Variants in GALNT13 observed in about 807,000 individuals in gnomAD.
GALNT13 encodes the protein UDP-GalNAc:polypeptide N-acetylgalactosaminyltransferase 13.
Under a neutral mutation model 64.2 loss-of-function variants are expected in GALNT13, and 28 were observed. The observed-to-expected ratio is 0.44, with a 90% CI of 0.32 to 0.60. GALNT13 has a LOEUF of 0.60. GALNT13 is among the 20% of genes least tolerant of loss of function. GALNT13 has a pLI of 0.05. For synonymous variants in GALNT13, 214 were observed against 224.6 expected, an observed-to-expected ratio of 0.95 and a Z score of 0.42; for missense variants, 577 against 669.8, an observed-to-expected ratio of 0.86 and a Z score of 1.53.
At chr2:153,460,508 G>A in the GALNT13 span, among the ~76,000 whole-genome samples, 5 of 152,086 alleles carry the variant, frequency 3.3e-5, no homozygotes, top group South Asian at 2.1e-4. Flanking sequence ...TCATTATTCC[G>A]ATCTTCTTAT....
chr2:153,467,063 C>A, the GALNT13 span, among the ~76,000 whole-genome samples: 1 of 151,874 alleles, frequency 6.6e-6, no homozygotes, highest in Non-Finnish European at 1.5e-5. Context: ...AAATAAGCTC[C>A]AACATATTCG....
the GALNT13 span, among the ~76,000 whole-genome samples, chr2:153,454,363 G>A: frequency 6.6e-6 from 1 of 152,100 alleles, no homozygotes; most frequent in African/African-American, 2.4e-5. Context: ...GACCTGGCTA[G>A]TAAACTCTGA....
intron 8 of GALNT13, among the ~76,000 whole-genome samples, chr2:154,298,721 T>G (rs1455824675): frequency 1.1e-5 from 1 of 90,802 alleles, no homozygotes; most frequent in Non-Finnish European, 2.1e-5. Context: ...ATATATAAAT[T>G]ATATTATTTA....
At chr2:153,258,381 AAAC>A in the GALNT13 span, among the ~76,000 whole-genome samples, 2 of 142,080 alleles carry the variant, frequency 1.4e-5, no homozygotes, top group Non-Finnish European at 1.6e-5. Flanking sequence ...AAACAAAACA[AAAC>A]AAAACAAAAC....
chr2:153,330,380 T>G, the GALNT13 span, among the ~76,000 whole-genome samples: 1 of 152,240 alleles, frequency 6.6e-6, no homozygotes, highest in East Asian at 1.9e-4. Context: ...TATGGCCATT[T>G]TCATGATATT....
At chr2:153,913,988 G>GC (rs1689159102) in intron 2 of GALNT13, among the ~76,000 whole-genome samples, 1 of 151,922 alleles carries the variant, frequency 6.6e-6, no homozygotes, top group Non-Finnish European at 1.5e-5. Context: ...TTTAAATATC[G>GC]CCCTTGCATA....
At chr2:154,365,089 T>G (rs1389891600) in intron 9 of GALNT13, among the ~76,000 whole-genome samples, 4 of 152,212 alleles carry the variant, frequency 2.6e-5, no homozygotes, top group Non-Finnish European at 5.9e-5. Context: ...ACATGAAAAT[T>G]AGCATCCCAC....
At chr2:154,274,258 G>T (rs760696152) in intron 8 of GALNT13, among the ~76,000 whole-genome samples, 4 of 152,138 alleles carry the variant, frequency 2.6e-5, no homozygotes, top group Non-Finnish European at 4.4e-5. Context: ...GATATATAGT[G>T]CATTAAGTTC....
chr2:153,968,103 C>T (rs1258164421), intron 3 of GALNT13, among the ~76,000 whole-genome samples: 5 of 152,090 alleles, frequency 3.3e-5, no homozygotes, highest in South Asian at 2.1e-4. Flanking sequence ...TGCTCTGGTC[C>T]GTACCCCAAG....
At chr2:153,377,927 A>G in the GALNT13 span, among the ~76,000 whole-genome samples, 1 of 152,192 alleles carries the variant, frequency 6.6e-6, no homozygotes, top group African/African-American at 2.4e-5. Flanking sequence ...TTAAATATGT[A>G]AGTTCAATAC....
chr2:153,295,760 A>C, the GALNT13 span, among the ~76,000 whole-genome samples: 1 of 152,162 alleles, frequency 6.6e-6, no homozygotes, highest in Non-Finnish European at 1.5e-5. Context: ...TCTTGAGAAA[A>C]ATTCCAGACA....
At chr2:153,786,299 C>T in the GALNT13 span, among the ~76,000 whole-genome samples, 34 of 152,156 alleles carry the variant, frequency 2.2e-4, no homozygotes, top group African/African-American at 7.2e-4. Context: ...GAACAAAGTG[C>T]GTAGTCACTA....
At chr2:153,591,709 G>A in the GALNT13 span, among the ~76,000 whole-genome samples, 1 of 151,932 alleles carries the variant, frequency 6.6e-6, no homozygotes. Context: ...TTAAATGTAA[G>A]ACCCCAAACT....
At chr2:154,073,269 C>T (rs1427569123) in intron 3 of GALNT13, among the ~76,000 whole-genome samples, 1 of 151,912 alleles carries the variant, frequency 6.6e-6, no homozygotes, top group Non-Finnish European at 1.5e-5. Flanking sequence ...TTTCGTAGAA[C>T]ATCATTTTTA....
chr2:153,141,596 A>T, the GALNT13 span, among the ~76,000 whole-genome samples: 3 of 151,978 alleles, frequency 2.0e-5, no homozygotes, highest in Admixed American at 2.0e-4. Flanking sequence ...GGTTCTACCT[A>T]CCTGGAGTGG....
the GALNT13 span, among the ~76,000 whole-genome samples, chr2:153,398,609 G>A: frequency 6.9e-3 from 1,053 of 152,196 alleles, 15 homozygotes; most frequent in African/African-American, 0.024. Flanking sequence ...TTTAATGATT[G>A]CCATTCTAAC....
chr2:154,064,891 C>T (rs112083227), intron 3 of GALNT13, among the ~76,000 whole-genome samples: 56 of 152,022 alleles, frequency 3.7e-4, no homozygotes, highest in Non-Finnish European at 6.5e-4. Flanking sequence ...CTTAGGTACC[C>T]GCTCAGCTGC....
chr2:153,591,684 AT>A, the GALNT13 span, among the ~76,000 whole-genome samples: 1 of 152,080 alleles, frequency 6.6e-6, no homozygotes, highest in Non-Finnish European at 1.5e-5. Flanking sequence ...AATCAACACA[AT>A]ATGGATTAGA....
chr2:153,899,998 C>T (rs1574072990), intron 1 of GALNT13, among the ~76,000 whole-genome samples: 1 of 142,332 alleles, frequency 7.0e-6, no homozygotes, highest in South Asian at 2.2e-4. Flanking sequence ...TGCAGTGGCA[C>T]GATCTCATCT....
Sources: allele counts gnomAD v4.1 joint callset (sites outside exome capture counted in the v4.1 genomes callset), GRCh38; gene constraint gnomAD v4.1.1; transcripts MANE v1.5; gene names NCBI Gene and HGNC (gene_info 2026-07-23, HGNC 2026-07-21).